Variants in AFMID observed in about 807,000 individuals in gnomAD.
AFMID encodes the protein arylformamidase, also known as kynurenine formamidase.
A neutral mutation model predicts 47.5 loss-of-function variants in AFMID; 39 were observed. The observed-to-expected ratio is 0.82, with a 90% CI of 0.64 to 1.07. AFMID has a LOEUF of 1.07. Ranked by LOEUF, AFMID falls within the 50% of genes least tolerant of loss-of-function variation. AFMID has a pLI of 0.00. For synonymous variants in AFMID, 130 were observed against 153.2 expected (o/e 0.85, Z 1.12); for missense variants, 375 against 387.5 (o/e 0.97, Z 0.27).
chr17:78,202,415 T>C (rs966805858), intron 2 of AFMID, 84 bp from the exon 3 acceptor site: 20 of 1,382,308 alleles, frequency 1.4e-5, no homozygotes, highest in Non-Finnish European at 1.8e-5. Context: ...GGCAACAGAG[T>C]GAGACTTCGT....
chr17:78,203,060 T>A, intron 4 of AFMID: 1 of 230,644 alleles, frequency 4.3e-6, no homozygotes, highest in Non-Finnish European at 8.2e-6. Context: ...TCTCTCTTTT[T>A]TTTTTTTTTT....
At chr17:78,191,141 G>A in intron 2 of AFMID, 81 bp downstream of exon 2, 3 of 1,276,676 alleles carry the variant, frequency 2.3e-6, no homozygotes, top group Non-Finnish European at 3.4e-6. Flanking sequence ...GGTTGGGGGG[G>A]CTGTGCTGCA....
Position 78,206,935 on chromosome 17 carries a change from T to G in AFMID, c.910T>G (p.Ter304GluextTer2), listed in dbSNP as rs2076399260. The part of the protein sequence containing the change: ...TQIILKTIFQ[*>E] ...GATTATCTTGAAAACAATCTTCCAG[T>G]AGTTCTGACGATACTTGGAGCCTGG... is the stretch of plus-strand genomic sequence containing the variant. Residue 304 changes from the stop codon to glutamate, a stop_lost, in exon 11 of 11, where the codon TAG becomes GAG. Transcript: ENST00000409257. 1.2e-6 allele frequency: 2 copies of G among 1,613,978 alleles called. No individual in the cohort carries two copies. Among genetic ancestry groups the G allele is most frequent in the East Asian group, 2.2e-5 (1 of 44,898 alleles).
rs2075951968 is a variant in AFMID, at chr17:78,190,983, A to G, written c.77A>G (p.Gln26Arg). ...TGTGCCCTGCAGGAGCTGGAGAATC[A>G]GTACTGTCCCAGCCGATGGGTTGTC... ...KKMSAEELENQYCPSRWVVRL... is the reference protein window; with the variant it reads ...KKMSAEELENRYCPSRWVVRL... The change falls in exon 2 of 11, where the codon CAG becomes CGG. Residue 26 changes from glutamine to arginine, a missense_variant. Gln to Arg is a conservative substitution (Grantham distance 43). Transcript: ENST00000409257. The G allele has an allele frequency of 1.2e-6, 2 of 1,613,724 alleles. No homozygotes were observed. Among genetic ancestry groups the G allele is most frequent in the Non-Finnish European group, 1.7e-6 (2 of 1,179,976 alleles).
At chr17:78,202,067 A>C (rs1329481016) in intron 2 of AFMID, among the ~76,000 whole-genome samples, 1 of 151,894 alleles carries the variant, frequency 6.6e-6, no homozygotes, top group African/African-American at 2.4e-5. Context: ...TCAGAGCTGA[A>C]GCTCAACACG....
Position 78,205,621 on chromosome 17 carries a change from T to C in AFMID, c.663T>C (p.Asn221=), listed in dbSNP as rs770015742. Residue 221 remains asparagine (N), a synonymous_variant, in exon 9 of 11, where the codon AAT becomes AAC. Transcript: ENST00000409257. ...LQLTLEDAQR[N]SPQLKVAQAQ... is the part of the protein sequence containing the mutation. ...ACCCCAGGGAGGACGCTCAGAGGAA[T>C]AGCCCCCAGCTGAAGGTGGCCCAGG... is the stretch of plus-strand genomic sequence containing the variant. The C allele has an allele frequency of 1.2e-6, 2 of 1,613,834 alleles. No homozygotes were observed. The highest frequency in any genetic ancestry group is 1.7e-6 in the Non-Finnish European group (2 of 1,179,816).
chr17:78,188,164 A>AG (rs897600014), intron 1 of AFMID, among the ~76,000 whole-genome samples: 5 of 151,974 alleles, frequency 3.3e-5, no homozygotes, highest in African/African-American at 4.8e-5. Flanking sequence ...CTCAAAAAAA[A>AG]AAAGAAAGAA....
intron 9 of AFMID, 59 bp downstream of exon 9, chr17:78,205,797 CTCTT>C (rs1185055126): frequency 2.5e-6 from 4 of 1,601,374 alleles, no homozygotes; most frequent in African/African-American, 2.7e-5. Context: ...CATTATTTTC[CTCTT>C]TCTTTTACCC....
intron 4 of AFMID, 43 bp downstream of exon 4, chr17:78,202,794 A>G (rs1041620960): frequency 1.9e-6 from 3 of 1,549,534 alleles, no homozygotes; most frequent in African/African-American, 1.4e-5. Flanking sequence ...GAGAGATTCC[A>G]CTTTCCCTGG....
intron 2 of AFMID, among the ~76,000 whole-genome samples, chr17:78,198,194 A>T (rs934290673): frequency 1.3e-5 from 2 of 151,950 alleles, no homozygotes; most frequent in African/African-American, 4.8e-5. Context: ...GCACCACTAC[A>T]CTCCAGCCTG....
At chr17:78,195,882 G>A (rs539500405) in intron 2 of AFMID, among the ~76,000 whole-genome samples, 36 of 151,982 alleles carry the variant, frequency 2.4e-4, no homozygotes, top group African/African-American at 8.2e-4. Flanking sequence ...GTCTTGCTCT[G>A]TCACCCAGGC....
At chr17:78,188,307 A>C (rs988965336) in intron 1 of AFMID, among the ~76,000 whole-genome samples, 8 of 152,356 alleles carry the variant, frequency 5.3e-5, no homozygotes, top group South Asian at 2.1e-4. Context: ...GATTGGACAG[A>C]TCCAAGGACC....
intron 1 of AFMID, among the ~76,000 whole-genome samples, chr17:78,190,151 A>T (rs112881154): frequency 1.0e-3 from 153 of 150,066 alleles, no homozygotes; most frequent in Non-Finnish European, 1.6e-3. Context: ...TCTTTTTTTA[A>T]TTCTCCAAAC....
chr17:78,203,778 C>A (rs749807315), intron 4 of AFMID: 2 of 152,034 alleles, frequency 1.3e-5, no homozygotes, highest in African/African-American at 4.8e-5. Flanking sequence ...AATCCCAACA[C>A]TTTGGAAGGG....
intron 2 of AFMID, among the ~76,000 whole-genome samples, chr17:78,200,707 T>C (rs1206629348): frequency 6.6e-6 from 1 of 152,214 alleles, no homozygotes; most frequent in Non-Finnish European, 1.5e-5. Context: ...TGGCAGAGTG[T>C]GGCAGTGTCC....
intron 2 of AFMID, chr17:78,197,197 C>G: frequency 6.4e-7 from 1 of 1,550,764 alleles, no homozygotes; most frequent in Non-Finnish European, 8.7e-7. Flanking sequence ...GAAGCCACTC[C>G]GATGAGCCTG....
chr17:78,205,288 C>G, intron 7 of AFMID, 98 bp downstream of exon 7: 1 of 1,446,088 alleles, frequency 6.9e-7, no homozygotes, highest in Non-Finnish European at 9.6e-7. Flanking sequence ...CCATGAGTGG[C>G]TTGACCGCAG....
rs1045604006 is a variant in AFMID, at chr17:78,203,045, C to A, written c.308+294C>A. 15 of 265,646 alleles carry A rather than the reference C, an allele frequency of 5.6e-5. No homozygotes were observed. The Admixed American group carries it at 5.9e-4, about 10-fold the overall frequency. The allele number at this position is 265,646 out of a possible 1,614,324, so 16.5% of individuals were successfully genotyped here. A position where few individuals can be genotyped will look rare whatever the true frequency, so the allele number is the denominator to read the frequency against. ...ATCCTGGTGTTCCTGGGTCTCAAATCTTCCTCTCTCTTTTTTTTTTTTTTT... is the reference window on the plus strand; with the variant it reads ...ATCCTGGTGTTCCTGGGTCTCAAATATTCCTCTCTCTTTTTTTTTTTTTTT... On this transcript the variant is annotated intron_variant, in intron 4 of 10. Transcript: ENST00000409257.
Position 78,202,504 on chromosome 17 carries a change from A to C in AFMID, c.160A>C (p.Thr54Pro), listed in dbSNP as rs1168461881. 2 of 1,614,088 alleles carry C rather than the reference A, an allele frequency of 1.2e-6. No individual in the cohort carries two copies. Among genetic ancestry groups the C allele is most frequent in the South Asian group, 2.2e-5 (2 of 91,082 alleles). Residue 54 changes from threonine (T) to proline (P), a missense_variant, in exon 3 of 11, where the codon ACA becomes CCA. Coordinates refer to ENST00000409257, the MANE Select transcript of AFMID (RefSeq NM_001010982.5). Reference protein sequence around the residue: ...TYSQIGIEATTRARATRKSLL... With the variant: ...TYSQIGIEATPRARATRKSLL... Reference sequence around the variant, plus strand: ...CTTGTCCATTTCTGAGACAGCCACCACAAGGGCCCGGGCCACCAGGAAGAG... The same window carrying C: ...CTTGTCCATTTCTGAGACAGCCACCCCAAGGGCCCGGGCCACCAGGAAGAG...
Sources: allele counts gnomAD v4.1 joint callset (sites outside exome capture counted in the v4.1 genomes callset), GRCh38; gene constraint gnomAD v4.1.1; transcripts MANE v1.5; gene names NCBI Gene and HGNC (gene_info 2026-07-23, HGNC 2026-07-21).